FHIT: variants seen among roughly 807,000 people sequenced by gnomAD.
The protein encoded by FHIT is fragile histidine triad diadenosine triphosphatase.
A neutral mutation model predicts 17.9 loss-of-function variants in FHIT; 19 were observed. The observed-to-expected ratio is 1.06, with a 90% confidence interval of 0.74 to 1.56. The LOEUF (loss-of-function observed/expected upper bound fraction) is 1.56. Ranked by LOEUF, FHIT falls within the 40% of genes most tolerant of loss-of-function variation. FHIT has a pLI of 0.00. For missense variants in FHIT, 248 were observed against 189.2 expected, an observed-to-expected ratio of 1.31 and a Z score of -1.82; for synonymous variants, 81 against 69.7, an observed-to-expected ratio of 1.16 and a Z score of -0.81.
chr3:60,952,721 A>G (rs1708946112), intron 3 of FHIT, among the ~76,000 whole-genome samples: 1 of 152,220 alleles, frequency 6.6e-6, no homozygotes, highest in Non-Finnish European at 1.5e-5. Context: ...CAGCTATACC[A>G]GAAGGAAAGT....
intron 4 of FHIT, among the ~76,000 whole-genome samples, chr3:60,809,850 C>A (rs2037242414): frequency 1.3e-5 from 2 of 152,170 alleles, no homozygotes; most frequent in Non-Finnish European, 2.9e-5. Context: ...GCTAGTCTCT[C>A]TCAACCCTGG....
intron 3 of FHIT, among the ~76,000 whole-genome samples, chr3:60,934,870 G>C (rs1268769917): frequency 6.6e-6 from 1 of 152,096 alleles, no homozygotes; most frequent in Non-Finnish European, 1.5e-5. Flanking sequence ...AAGCACAAAG[G>C]GCTGAGGTAA....
intron 5 of FHIT, among the ~76,000 whole-genome samples, chr3:60,293,960 G>A (rs1231505030): frequency 1.3e-5 from 2 of 152,006 alleles, no homozygotes. Context: ...TTCACTAGGA[G>A]GTAAACCTAC....
At chr3:60,156,549 G>A (rs1700703082) in intron 5 of FHIT, among the ~76,000 whole-genome samples, 2 of 151,954 alleles carry the variant, frequency 1.3e-5, no homozygotes, top group Non-Finnish European at 2.9e-5. Flanking sequence ...AGGAGTTCAA[G>A]AACAACCTAG....
At chr3:59,849,421 G>C (rs1267841778) in intron 8 of FHIT, among the ~76,000 whole-genome samples, 1 of 152,012 alleles carries the variant, frequency 6.6e-6, no homozygotes, top group East Asian at 1.9e-4. Flanking sequence ...ATATGAAAAA[G>C]ATCAAATAAT....
chr3:61,238,292 C>T (rs554621863), intron 1 of FHIT, among the ~76,000 whole-genome samples: 1 of 152,242 alleles, frequency 6.6e-6, no homozygotes, highest in Non-Finnish European at 1.5e-5. Context: ...ACTCAGCTAA[C>T]CAGAGAAATG....
At chr3:61,054,206 A>C (rs2034132857) in intron 2 of FHIT, among the ~76,000 whole-genome samples, 1 of 152,234 alleles carries the variant, frequency 6.6e-6, no homozygotes, top group Non-Finnish European at 1.5e-5. Context: ...CAGTGGATTC[A>C]AAGAGCACTG....
chr3:60,052,018 A>T (rs1701900339), intron 5 of FHIT, among the ~76,000 whole-genome samples: 1 of 152,038 alleles, frequency 6.6e-6, no homozygotes, highest in Admixed American at 6.6e-5. Flanking sequence ...TTGCACCCCA[A>T]CTGGACTAAT....
At chr3:60,551,241 TA>T (rs1394296155) in intron 4 of FHIT, among the ~76,000 whole-genome samples, 2 of 151,450 alleles carry the variant, frequency 1.3e-5, no homozygotes, top group African/African-American at 2.4e-5. Context: ...GCGTTTCACT[TA>T]ATGAGAAACT....
chr3:60,657,924 T>A (rs1396771527), intron 4 of FHIT, among the ~76,000 whole-genome samples: 1 of 152,160 alleles, frequency 6.6e-6, no homozygotes, highest in African/African-American at 2.4e-5. Context: ...TTTTTTCCAA[T>A]TTTTTTGTGG....
chr3:61,124,120 C>T (rs964208015), intron 2 of FHIT, among the ~76,000 whole-genome samples: 5 of 152,176 alleles, frequency 3.3e-5, no homozygotes, highest in African/African-American at 9.7e-5. Context: ...CAACATGGCA[C>T]ACAGACATAA....
At chr3:60,618,371 C>T (rs532821224) in intron 4 of FHIT, among the ~76,000 whole-genome samples, 2 of 152,082 alleles carry the variant, frequency 1.3e-5, no homozygotes, top group Admixed American at 1.3e-4. Context: ...CTACACAGAT[C>T]ATCCCATCAC....
chr3:61,209,046 T>C (rs1296116252), intron 1 of FHIT, among the ~76,000 whole-genome samples: 1 of 152,032 alleles, frequency 6.6e-6, no homozygotes, highest in Non-Finnish European at 1.5e-5. Flanking sequence ...TGCTTGTCTG[T>C]AAAGGATTTT....
intron 8 of FHIT, among the ~76,000 whole-genome samples, chr3:59,857,813 G>T (rs1014550130): frequency 6.8e-6 from 1 of 147,922 alleles, no homozygotes; most frequent in Non-Finnish European, 1.5e-5. Context: ...TGTCTGCAGC[G>T]ATACTGGGAA....
chr3:60,505,671 C>A (rs1305134664), intron 5 of FHIT, among the ~76,000 whole-genome samples: 1 of 152,068 alleles, frequency 6.6e-6, no homozygotes, highest in Non-Finnish European at 1.5e-5. Flanking sequence ...ATTATTTGGG[C>A]TCTGTTTTTG....
intron 1 of FHIT, among the ~76,000 whole-genome samples, chr3:61,202,355 G>T (rs1428600478): frequency 4.0e-5 from 6 of 151,898 alleles, no homozygotes; most frequent in African/African-American, 1.5e-4. Flanking sequence ...GAAGTGAGGA[G>T]TGCCTCTGCC....
chr3:59,758,619 A>G (rs939328459), intron 8 of FHIT, among the ~76,000 whole-genome samples: 11 of 152,190 alleles, frequency 7.2e-5, no homozygotes, highest in African/African-American at 2.7e-4. Flanking sequence ...TAAGAGAAAG[A>G]GAAGAGCCAT....
chr3:61,028,549 G>T (rs1217259893), intron 3 of FHIT, among the ~76,000 whole-genome samples: 4 of 152,192 alleles, frequency 2.6e-5, no homozygotes, highest in South Asian at 2.1e-4. Context: ...AAGGATTCTA[G>T]AATCAGGCAG....
At chr3:60,145,391 G>A (rs562247925) in intron 5 of FHIT, among the ~76,000 whole-genome samples, 1 of 152,220 alleles carries the variant, frequency 6.6e-6, no homozygotes, top group South Asian at 2.1e-4. Flanking sequence ...GGCGTGGGGG[G>A]CACATAATAG....
Sources: allele counts gnomAD v4.1 joint callset (sites outside exome capture counted in the v4.1 genomes callset), GRCh38; gene constraint gnomAD v4.1.1; transcripts MANE v1.5; gene names NCBI Gene and HGNC (gene_info 2026-07-23, HGNC 2026-07-21).